Variants in CCDC73 observed in about 807,000 individuals in gnomAD.
The protein encoded by CCDC73 is coiled-coil domain-containing protein 73.
CCDC73 carries 95 observed loss-of-function variants against 116.5 expected under a neutral mutation model. The ratio of observed to expected loss-of-function variants is 0.82; its 90% CI spans 0.69 to 0.97. The LOEUF (loss-of-function observed/expected upper bound fraction) is 0.97, where lower values mean the gene tolerates loss of function less well. Among genes scored for constraint, CCDC73 ranks in the 50% least tolerant of loss-of-function variants. The pLI is 0.00. For missense variants in CCDC73, 1,066 were observed against 1,206.8 expected (o/e 0.88, Z 1.73); for synonymous variants, 398 against 401.3 (o/e 0.99, Z 0.10).
At chr11:32,649,054 C>T (rs1855804550) in intron 12 of CCDC73, among the ~76,000 whole-genome samples, 2 of 152,126 alleles carry the variant, frequency 1.3e-5, no homozygotes, top group Admixed American at 1.3e-4. Flanking sequence ...ACTTATGTAC[C>T]ATTGAATTCT....
Position 32,653,185 on chromosome 11 carries a change from G to A in CCDC73, c.877C>T (p.Gln293Ter), listed in dbSNP as rs772664484. 2.5e-6 allele frequency: 4 copies of A among 1,611,786 alleles called. No individual in the cohort carries two copies. The highest frequency in any genetic ancestry group is 1.3e-5 in the African/African-American group (1 of 74,826). The change falls in exon 12 of 18, where the codon CAA becomes TAA. Residue 293 changes from glutamine to a stop codon, truncating the protein, a stop_gained. Coordinates refer to ENST00000335185, the MANE Select transcript of CCDC73 (RefSeq NM_001008391.4). LOFTEE classifies it high-confidence loss of function. ...ATTTCAGTATTAGCTTGAATTTGTT[G>A]CCGAAGTAACTGCTGCATATGTTGG... ...SFQHMQQLLRQQIQANTEMEA... is the reference protein window; with the variant it reads ...SFQHMQQLLR
intron 13 of CCDC73, among the ~76,000 whole-genome samples, chr11:32,638,806 C>A (rs1179763087): frequency 6.7e-6 from 1 of 149,926 alleles, no homozygotes; most frequent in Non-Finnish European, 1.5e-5. Context: ...AAATGAAATG[C>A]CAACAGGATG....
rs776915728 is a variant in CCDC73, at chr11:32,653,967, T to C, written c.834+11A>G. On this transcript the variant is annotated intron_variant, in intron 11 of 17. Transcript: ENST00000335185. ...TATTTACTGGCTTCCAAATAGCTTATGATTGCTTACCTGTTTTTCTTCTTG... is the reference window on the plus strand; with the variant it reads ...TATTTACTGGCTTCCAAATAGCTTACGATTGCTTACCTGTTTTTCTTCTTG... 1.0e-5 allele frequency: 16 copies of C among 1,595,812 alleles called. No homozygotes were observed. In the South Asian group the frequency reaches 1.5e-4, roughly 15 times the overall value.
intron 2 of CCDC73, among the ~76,000 whole-genome samples, chr11:32,746,677 G>T (rs1565091783): frequency 6.6e-6 from 1 of 151,680 alleles, no homozygotes. Context: ...TCATTAATTT[G>T]ATCTTCAATC....
intron 6 of CCDC73, among the ~76,000 whole-genome samples, chr11:32,686,455 G>A (rs532247614): frequency 2.7e-4 from 41 of 151,672 alleles, no homozygotes; most frequent in Non-Finnish European, 4.9e-4. Flanking sequence ...TTAAAGACAC[G>A]AGCCTGGATG....
intron 9 of CCDC73, among the ~76,000 whole-genome samples, chr11:32,665,568 G>A: frequency 6.6e-6 from 1 of 152,066 alleles, no homozygotes; most frequent in Non-Finnish European, 1.5e-5. Context: ...ACGTGAGATG[G>A]GTCTCCTGAA....
the CCDC73 span, chr11:32,829,742 C>T: frequency 1.0e-6 from 1 of 984,018 alleles, no homozygotes; most frequent in Non-Finnish European, 1.2e-6. Flanking sequence ...GCCGCCAAGG[C>T]GGGGCCAGAA....
chr11:32,749,263 A>G (rs1184653094), intron 2 of CCDC73, among the ~76,000 whole-genome samples: 1 of 152,014 alleles, frequency 6.6e-6, no homozygotes, highest in African/African-American at 2.4e-5. Flanking sequence ...CCTGTCTTCA[A>G]GCTCACTAAT....
intron 14 of CCDC73, among the ~76,000 whole-genome samples, chr11:32,627,692 C>T (rs1194216935): frequency 2.0e-5 from 3 of 152,054 alleles, no homozygotes; most frequent in Admixed American, 1.3e-4. Context: ...AAGCTGGAAA[C>T]CATCATTCTC....
the CCDC73 span, among the ~76,000 whole-genome samples, chr11:32,816,776 T>A: frequency 6.6e-6 from 1 of 152,272 alleles, no homozygotes; most frequent in East Asian, 1.9e-4. Context: ...GTTTTCTTTC[T>A]TTTTTTCTTT....
intron 9 of CCDC73, among the ~76,000 whole-genome samples, chr11:32,662,671 C>T (rs1160501002): frequency 7.2e-5 from 11 of 151,920 alleles, no homozygotes; most frequent in Admixed American, 1.3e-4. Flanking sequence ...TCTTTTGGTG[C>T]GCAGAAGCTC....
At chr11:32,691,263 CT>C (rs1856255782) in intron 6 of CCDC73, among the ~76,000 whole-genome samples, 1 of 152,076 alleles carries the variant, frequency 6.6e-6, no homozygotes, top group Non-Finnish European at 1.5e-5. Context: ...TCAGGCTGGT[CT>C]CGAACTCCTG....
chr11:32,777,561 C>G (rs1163461328), intron 1 of CCDC73, among the ~76,000 whole-genome samples: 1 of 152,016 alleles, frequency 6.6e-6, no homozygotes, highest in African/African-American at 2.4e-5. Context: ...GATTAACAAC[C>G]CTAACAGGGT....
chr11:32,605,360 C>T (rs1247586092), intron 17 of CCDC73: 1 of 151,906 alleles, frequency 6.6e-6, no homozygotes, highest in African/African-American at 2.4e-5. Flanking sequence ...CTTTGTTCTT[C>T]CAAAAGTGTC....
chr11:32,668,432 TA>T (rs1286240295), intron 9 of CCDC73, among the ~76,000 whole-genome samples: 1 of 152,088 alleles, frequency 6.6e-6, no homozygotes, highest in Non-Finnish European at 1.5e-5. Context: ...ATAATAAATG[TA>T]AGTAGAAAAG....
intron 2 of CCDC73, among the ~76,000 whole-genome samples, chr11:32,732,001 A>G (rs190625892): frequency 1.1e-3 from 166 of 152,332 alleles, no homozygotes; most frequent in African/African-American, 3.8e-3. Context: ...ACCCATCGCA[A>G]AGAAGCTAAA....
chr11:32,824,084 G>A, the CCDC73 span, among the ~76,000 whole-genome samples: 10 of 152,110 alleles, frequency 6.6e-5, no homozygotes, highest in South Asian at 6.2e-4. Context: ...TAGTGGAGAC[G>A]GGGTTTCACC....
intron 2 of CCDC73, among the ~76,000 whole-genome samples, chr11:32,723,472 T>C (rs1245392497): frequency 1.3e-5 from 2 of 152,114 alleles, no homozygotes; most frequent in South Asian, 2.1e-4. Flanking sequence ...AGAAACTGAG[T>C]TGAGCAATTT....
the CCDC73 span, among the ~76,000 whole-genome samples, chr11:32,803,663 A>G: frequency 6.6e-6 from 1 of 152,254 alleles, no homozygotes; most frequent in Non-Finnish European, 1.5e-5. Flanking sequence ...CCTAGATAGT[A>G]TAATGTGACA....
Sources: gnomAD v4.1 joint callset for allele counts (sites outside exome capture counted in the v4.1 genomes callset) on GRCh38, gnomAD v4.1.1 for gene constraint, MANE v1.5 for transcripts, NCBI Gene and HGNC (gene_info 2026-07-23, HGNC 2026-07-21) for gene names.